The following KAT6B variants were observed in gnomAD, a reference collection of about 807,000 sequenced individuals.
The protein encoded by KAT6B is histone acetyltransferase KAT6B.
Under a neutral mutation model 187.5 loss-of-function variants are expected in KAT6B, and 10 were observed. That is an observed-to-expected ratio of 0.05 (90% confidence interval 0.03 to 0.09). The LOEUF (loss-of-function observed/expected upper bound fraction) is 0.09, where lower values mean the gene tolerates loss of function less well. Ranked by LOEUF, KAT6B falls within the 10% of genes least tolerant of loss-of-function variation. KAT6B has a pLI of 1.00. For missense variants in KAT6B, 1,952 were observed against 2,558.9 expected (o/e 0.76, Z 5.12); for synonymous variants, 861 against 926.8 (o/e 0.93, Z 1.29).
In KAT6B at chr10:74,955,406, T is replaced by C. The variant is rs1444551552; in HGVS notation, c.622-4564T>C. On this transcript the variant is annotated intron_variant, in intron 3 of 17. Coordinates refer to ENST00000287239, the MANE Select transcript of KAT6B (RefSeq NM_012330.4). Reference sequence around the variant, plus strand: ...TATCCCCCCCCCCCCAACTTTTTGTTTGGAAAAGTTGTAAAGATGAGGAAA... The same window carrying C: ...TATCCCCCCCCCCCCAACTTTTTGTCTGGAAAAGTTGTAAAGATGAGGAAA... 7.2e-5 allele frequency among the ~76,000 whole-genome samples: 10 copies of C among 139,758 alleles called. No individual in the cohort carries two copies. In the East Asian group the frequency reaches 2.5e-3, roughly 35 times the overall value. 91.7% of individuals were successfully genotyped at this position (139,758 alleles called of 152,430 possible). A position where few individuals can be genotyped will look rare whatever the true frequency, so the allele number is the denominator to read the frequency against.
intron 13 of KAT6B, among the ~76,000 whole-genome samples, chr10:75,001,538 A>C (rs1843836233): frequency 6.6e-6 from 1 of 152,132 alleles, no homozygotes; most frequent in Non-Finnish European, 1.5e-5. Context: ...TACTGGTTTA[A>C]ATGTTGTATT....
At chr10:74,887,797 A>G (rs563910294) in intron 3 of KAT6B, among the ~76,000 whole-genome samples, 11 of 152,128 alleles carry the variant, frequency 7.2e-5, no homozygotes, top group Non-Finnish European at 2.9e-5. Context: ...GCTTGAGCCT[A>G]GGAGTTTGAG....
In KAT6B at chr10:75,003,380, G is replaced by A. The variant is rs3740323; in HGVS notation, c.2629+14268G>A. Among the ~76,000 whole-genome samples the A allele has an allele frequency of 6.4e-3, 979 of 152,278 alleles. 12 individuals are homozygous for A. The highest frequency in any genetic ancestry group is 0.032 in the East Asian group (166 of 5,184). On this transcript the variant is annotated intron_variant, in intron 13 of 17. Coordinates refer to ENST00000287239, the MANE Select transcript of KAT6B (RefSeq NM_012330.4). The stretch of plus-strand genomic sequence containing the variant: ...TTTGCTTAGCCTTCCCAGCAGCTAC[G>A]CTCCTGGGTGAGTGCAGTCAAGGCA...
chr10:74,930,352 A>G (rs1445646010), intron 3 of KAT6B, among the ~76,000 whole-genome samples: 1 of 152,244 alleles, frequency 6.6e-6, no homozygotes, highest in Admixed American at 6.5e-5. Context: ...GGTGTACCCA[A>G]TGCAAATATC....
intron 13 of KAT6B, among the ~76,000 whole-genome samples, chr10:75,018,005 A>G (rs989176677): frequency 2.6e-5 from 4 of 152,146 alleles, no homozygotes; most frequent in African/African-American, 9.7e-5. Flanking sequence ...TGAGTCAGAG[A>G]GGAGAGGGAA....
At chr10:74,909,821 A>G (rs1847061359) in intron 3 of KAT6B, among the ~76,000 whole-genome samples, 1 of 152,128 alleles carries the variant, frequency 6.6e-6, no homozygotes, top group Non-Finnish European at 1.5e-5. Flanking sequence ...CAGTTGTAGT[A>G]TTTATAGGGT....
chr10:75,023,517 T>C (rs1362765615), intron 16 of KAT6B: 1 of 152,240 alleles, frequency 6.6e-6, no homozygotes, highest in Non-Finnish European at 1.5e-5. Flanking sequence ...CAAGGCATGA[T>C]CTGAACTGGA....
intron 3 of KAT6B, among the ~76,000 whole-genome samples, chr10:74,945,960 C>T (rs1014126451): frequency 7.2e-5 from 11 of 152,072 alleles, no homozygotes; most frequent in Non-Finnish European, 1.5e-4. Context: ...TTCATAAAAC[C>T]AATTGAGAAA....
intron 3 of KAT6B, among the ~76,000 whole-genome samples, chr10:74,932,747 A>G (rs1053540224): frequency 1.3e-5 from 2 of 152,120 alleles, no homozygotes; most frequent in Non-Finnish European, 2.9e-5. Context: ...AGGATGGTAT[A>G]TTTATGAGCT....
chr10:74,886,560 C>T (rs951379232), intron 3 of KAT6B, among the ~76,000 whole-genome samples: 1 of 152,194 alleles, frequency 6.6e-6, no homozygotes, highest in Admixed American at 6.5e-5. Flanking sequence ...CTCCGCTCCC[C>T]CGTGCCCCAC....
intron 3 of KAT6B, among the ~76,000 whole-genome samples, chr10:74,845,546 A>G (rs1398867221): frequency 2.7e-5 from 4 of 150,924 alleles, no homozygotes; most frequent in Non-Finnish European, 5.9e-5. Flanking sequence ...AAACAAAAAA[A>G]AAAAGAAGGA....
chr10:74,926,335 T>TC (rs1361118983), intron 3 of KAT6B, among the ~76,000 whole-genome samples: 4 of 152,158 alleles, frequency 2.6e-5, no homozygotes, highest in Non-Finnish European at 4.4e-5. Context: ...ACGCCTGTAA[T>TC]CCCAGCTACT....
rs1272482797 is a variant in KAT6B at position 74,842,634 on chromosome 10, G to A, written c.-224G>A. ...TCCCAGTTAAAGATGTTCTTCACCC[G>A]AATGCAGTCTTTCCTGTTGGTAAAA... is the stretch of plus-strand genomic sequence containing the variant. On this transcript the variant is annotated 5_prime_UTR_variant, in exon 3 of 18. Coordinates refer to ENST00000287239, the MANE Select transcript of KAT6B (RefSeq NM_012330.4). The A allele has an allele frequency of 1.1e-5, 7 of 608,990 alleles. No individual in the cohort carries two copies. The highest frequency in any genetic ancestry group is 7.4e-5 in the African/African-American group (4 of 54,020). 37.7% of individuals were successfully genotyped at this position (608,990 alleles called of 1,614,324 possible).
rs201084874 is a variant in KAT6B at position 75,030,257 on chromosome 10, G to T, written c.5433G>T (p.Pro1811=). The T allele has an allele frequency of 6.2e-7, 1 of 1,614,214 alleles. No individual in the cohort carries two copies. The highest frequency in any genetic ancestry group is 1.7e-5 in the Admixed American group (1 of 60,030). ...SDFGAGHYPQ[P]SATFSLAKLQ... ...TTGGGGCTGGGCATTACCCGCAGCC[G>T]TCAGCCACCTTCAGCCTTGCCAAAC... The change falls in exon 18 of 18, where the codon CCG becomes CCT. Residue 1811 remains proline, a synonymous_variant. Transcript: ENST00000287239. This position sits in a 1 kb window ranked among gnomAD's most constrained non-coding sequence, Gnocchi z 4.8.
At chr10:74,936,903 A>T (rs1186921936) in intron 3 of KAT6B, among the ~76,000 whole-genome samples, 2 of 152,234 alleles carry the variant, frequency 1.3e-5, no homozygotes, top group African/African-American at 4.8e-5. Context: ...GGAGGATGGC[A>T]TGAGAAGGGT....
intron 3 of KAT6B, among the ~76,000 whole-genome samples, chr10:74,922,089 G>C (rs779329995): frequency 1.3e-5 from 2 of 152,206 alleles, no homozygotes; most frequent in Non-Finnish European, 2.9e-5. Context: ...CAGCACGTTA[G>C]TATTAGCTTC....
At chr10:74,989,359 C>A (rs570915707) in intron 13 of KAT6B, among the ~76,000 whole-genome samples, 1 of 152,110 alleles carries the variant, frequency 6.6e-6, no homozygotes, top group South Asian at 2.1e-4. Flanking sequence ...AAGCCATTAC[C>A]CTGAATGAAC....
At chr10:74,871,825 A>G (rs1844001414) in intron 3 of KAT6B, among the ~76,000 whole-genome samples, 1 of 152,222 alleles carries the variant, frequency 6.6e-6, no homozygotes, top group South Asian at 2.1e-4. Flanking sequence ...CGCCCAGAAC[A>G]GTATACAAGA....
intron 13 of KAT6B, among the ~76,000 whole-genome samples, chr10:75,006,274 A>G (rs970354651): frequency 1.3e-5 from 2 of 152,220 alleles, no homozygotes; most frequent in Non-Finnish European, 2.9e-5. Context: ...AAATGTTTAA[A>G]TTCACAAGTT....
Sources: allele counts gnomAD v4.1 joint callset (sites outside exome capture counted in the v4.1 genomes callset), GRCh38; gene constraint gnomAD v4.1.1; non-coding constraint Gnocchi (gnomAD v3.1); transcripts MANE v1.5; gene names NCBI Gene and HGNC (gene_info 2026-07-23, HGNC 2026-07-21).